The following SOD2 variants were observed in gnomAD, a reference collection of about 807,000 sequenced individuals.
SOD2 encodes superoxide dismutase 2.
A neutral mutation model predicts 27.0 loss-of-function variants in SOD2; 11 were observed. The ratio of observed to expected loss-of-function variants is 0.41; its 90% CI spans 0.26 to 0.67. The LOEUF (loss-of-function observed/expected upper bound fraction) is 0.67, where lower values mean the gene tolerates loss of function less well. Among genes scored for constraint, SOD2 ranks in the 30% least tolerant of loss-of-function variants. SOD2 has a pLI of 0.34. For synonymous variants in SOD2, 105 were observed against 103.0 expected (o/e 1.02, Z -0.12); for missense variants, 250 against 274.5 (o/e 0.91, Z 0.63).
At chr6:159,743,882 A>G in intron 1 of SOD2, 9 of 1,342,276 alleles carry the variant, frequency 6.7e-6, no homozygotes, top group Non-Finnish European at 8.9e-6. Flanking sequence ...ATTTAATGCT[A>G]AATATAAGAG....
chr6:159,727,919 G>A (rs1249004226), upstream of SOD2, among the ~76,000 whole-genome samples: 1 of 152,240 alleles, frequency 6.6e-6, no homozygotes, highest in Non-Finnish European at 1.5e-5. Flanking sequence ...CCGTCCCCAA[G>A]GCCCGGGTTG....
At chr6:159,723,729 C>T (rs938161510) in intron 1 of SOD2, among the ~76,000 whole-genome samples, 4 of 151,118 alleles carry the variant, frequency 2.6e-5, no homozygotes, top group Non-Finnish European at 5.9e-5. Context: ...CTTCTAGGCC[C>T]TTTCAGTCCA....
intron 1 of SOD2, among the ~76,000 whole-genome samples, chr6:159,757,943 TTTA>T (rs770309055): frequency 6.0e-4 from 92 of 152,320 alleles, no homozygotes; most frequent in Non-Finnish European, 1.1e-3. Flanking sequence ...GTGATACAAT[TTTA>T]TGACTGAATT....
intron 1 of SOD2, among the ~76,000 whole-genome samples, chr6:159,723,497 G>C (rs1045456430): frequency 9.2e-5 from 14 of 152,188 alleles, no homozygotes; most frequent in Non-Finnish European, 1.8e-4. Flanking sequence ...CCGTCCCAGA[G>C]CTGGAATCAG....
intron 1 of SOD2, chr6:159,755,433 G>A (rs1156844363): frequency 1.9e-6 from 3 of 1,614,196 alleles, no homozygotes; most frequent in Admixed American, 3.3e-5. Flanking sequence ...GGGTATGAAA[G>A]TGTAGACTCT....
intron 1 of SOD2, among the ~76,000 whole-genome samples, chr6:159,738,652 A>G (rs1353873396): frequency 1.3e-5 from 2 of 152,138 alleles, no homozygotes; most frequent in Non-Finnish European, 2.9e-5. Context: ...TTCAGATACC[A>G]TTTTTATATT....
upstream of SOD2, among the ~76,000 whole-genome samples, chr6:159,729,865 G>T (rs1163730066): frequency 2.6e-5 from 4 of 152,142 alleles, no homozygotes; most frequent in Admixed American, 6.5e-5. Flanking sequence ...CGTTCAGAGG[G>T]AACTGAGTTA....
At chr6:159,693,672 C>T (rs1777355257), upstream of SOD2, among the ~76,000 whole-genome samples, 1 of 152,196 alleles carries the variant, frequency 6.6e-6, no homozygotes, top group Admixed American at 6.5e-5. Flanking sequence ...CCGCGGGGTC[C>T]AGAGGCCTCA....
chr6:159,727,249 G>A (rs1036944736), exon 1 of SOD2: 7 of 1,282,364 alleles, frequency 5.5e-6, no homozygotes, highest in Non-Finnish European at 4.1e-6. Context: ...CTAGGCCGAC[G>A]GCCTCCCTCC....
chr6:159,715,404 C>T (rs1221171608), intron 1 of SOD2, among the ~76,000 whole-genome samples: 1 of 152,140 alleles, frequency 6.6e-6, no homozygotes, highest in Non-Finnish European at 1.5e-5. Context: ...AATGGATTTA[C>T]AGTTTGTCAA....
At chr6:159,734,762 A>G (rs986243815) in intron 1 of SOD2, among the ~76,000 whole-genome samples, 5 of 152,252 alleles carry the variant, frequency 3.3e-5, no homozygotes, top group Admixed American at 6.5e-5. Context: ...ACTGGTACTC[A>G]GAACCCTGAT....
chr6:159,714,534 C>T (rs1249344648), intron 1 of SOD2, among the ~76,000 whole-genome samples: 1 of 152,236 alleles, frequency 6.6e-6, no homozygotes, highest in Non-Finnish European at 1.5e-5. Flanking sequence ...CTCAGCAGCA[C>T]AGCCTCTAGA....
exon 1 of SOD2, chr6:159,761,667 C>G (rs1458954654): frequency 2.3e-6 from 1 of 428,860 alleles, no homozygotes; most frequent in Admixed American, 2.9e-5. Flanking sequence ...TGTCACCCCC[C>G]AGTCTTTACT....
intron 1 of SOD2, chr6:159,755,684 CT>C: frequency 8.1e-7 from 1 of 1,233,158 alleles, no homozygotes; most frequent in Non-Finnish European, 1.0e-6. Flanking sequence ...TTAATGCATA[CT>C]TTTGTCACAA....
rs1364607752 is a variant in SOD2, at chr6:159,676,694, T to C, written c.*5799A>G. The stretch of plus-strand genomic sequence containing the variant: ...CACACCAACATGGCACATGTATACA[T>C]GTAACAAACCTGCATGTTGTACACA... On this transcript the variant is annotated 3_prime_UTR_variant, in exon 5 of 5. Coordinates refer to ENST00000538183, the MANE Select transcript of SOD2 (RefSeq NM_000636.4). 1.3e-5 allele frequency: 2 copies of C among 152,006 alleles called. No homozygotes were observed. The highest frequency in any genetic ancestry group is 2.9e-5 in the Non-Finnish European group (2 of 68,006). 9.4% of individuals were successfully genotyped at this position (152,006 alleles called of 1,614,324 possible).
intron 2 of SOD2, among the ~76,000 whole-genome samples, chr6:159,690,160 G>A (rs1338112054): frequency 3.3e-5 from 5 of 151,488 alleles, no homozygotes; most frequent in African/African-American, 9.7e-5. Context: ...GGTGGCGTAC[G>A]CCTGTAATCC....
intron 2 of SOD2, among the ~76,000 whole-genome samples, chr6:159,689,588 C>A (rs1780354010): frequency 6.6e-6 from 1 of 152,186 alleles, no homozygotes; most frequent in African/African-American, 2.4e-5. Context: ...GACACAGAGA[C>A]CCACTGAGAG....
At chr6:159,727,397 G>A (rs1248503052), upstream of SOD2, 9 of 1,221,686 alleles carry the variant, frequency 7.4e-6, no homozygotes, top group African/African-American at 1.5e-4. Flanking sequence ...GAGGCGGGAG[G>A]CGGGAGGCAG....
At chr6:159,725,529 GTTATA>G (rs1398051018) in intron 1 of SOD2, 1 of 149,104 alleles carries the variant, frequency 6.7e-6, no homozygotes, top group African/African-American at 2.5e-5. Flanking sequence ...GTGTATCTTA[GTTATA>G]TTAGTTAACA....
Sources: gnomAD v4.1 joint callset for allele counts (sites outside exome capture counted in the v4.1 genomes callset) on GRCh38, gnomAD v4.1.1 for gene constraint, MANE v1.5 for transcripts, NCBI Gene and HGNC (gene_info 2026-07-23, HGNC 2026-07-21) for gene names.